The following GALNT16 variants were observed in gnomAD, a reference collection of about 807,000 sequenced individuals.
The protein encoded by GALNT16 is polypeptide N-acetylgalactosaminyltransferase 16.
In GALNT16, 40 loss-of-function variants were observed where a neutral mutation model predicts 76.1. The ratio of observed to expected loss-of-function variants is 0.53; its 90% confidence interval spans 0.41 to 0.68. The LOEUF (loss-of-function observed/expected upper bound fraction) is 0.68, where lower values mean the gene tolerates loss of function less well. GALNT16 is among the 30% of genes least tolerant of loss of function. The probability of loss-of-function intolerance (pLI) is 0.00; values close to 1 mark genes in which losing one functional copy is unlikely to be tolerated. For missense variants in GALNT16, 621 were observed against 731.9 expected (o/e 0.85, Z 1.75); for synonymous variants, 276 against 285.2 (o/e 0.97, Z 0.32).
the GALNT16 span, among the ~76,000 whole-genome samples, chr14:69,377,530 G>A: frequency 6.6e-6 from 1 of 151,884 alleles, no homozygotes; most frequent in Non-Finnish European, 1.5e-5. Context: ...CCTTAGGTTG[G>A]GTGCAGTGGT....
At chr14:69,273,038 T>G (rs925668063) in intron 1 of GALNT16, among the ~76,000 whole-genome samples, 1 of 152,238 alleles carries the variant, frequency 6.6e-6, no homozygotes, top group African/African-American at 2.4e-5. Context: ...TAGTTTACCT[T>G]GACTTCAGGA....
intron 11 of GALNT16, among the ~76,000 whole-genome samples, chr14:69,339,983 T>G (rs2045466276): frequency 6.6e-6 from 1 of 152,246 alleles, no homozygotes; most frequent in Non-Finnish European, 1.5e-5. Flanking sequence ...CCTATTTTCC[T>G]GTCATGGACT....
chr14:69,324,652 G>A (rs1456553348), intron 2 of GALNT16, 40 bp from the exon 3 acceptor site: 2 of 1,101,122 alleles, frequency 1.8e-6, no homozygotes, highest in African/African-American at 1.6e-5. Context: ...CCCTGAGGAT[G>A]CCCTCATGGC....
At chr14:69,282,622 G>C (rs182155751) in intron 1 of GALNT16, among the ~76,000 whole-genome samples, 171 of 151,652 alleles carry the variant, frequency 1.1e-3, no homozygotes, top group Non-Finnish European at 1.7e-3. Flanking sequence ...CCCCGTATCT[G>C]CTCTAAGTGC....
intron 6 of GALNT16, among the ~76,000 whole-genome samples, chr14:69,329,165 C>T (rs1015578484): frequency 1.7e-4 from 26 of 152,326 alleles, no homozygotes; most frequent in African/African-American, 3.8e-4. Flanking sequence ...CAAGACCAGC[C>T]TGGCCAACAT....
chr14:69,310,363 A>G (rs755160305), intron 1 of GALNT16, among the ~76,000 whole-genome samples: 14 of 151,856 alleles, frequency 9.2e-5, no homozygotes, highest in Non-Finnish European at 1.8e-4. Flanking sequence ...CCCCCAACAC[A>G]GCTGTTATTT....
At chr14:69,276,383 A>T (rs778760715) in intron 1 of GALNT16, among the ~76,000 whole-genome samples, 1 of 152,198 alleles carries the variant, frequency 6.6e-6, no homozygotes, top group Admixed American at 6.5e-5. Context: ...CAGTTTTTTT[A>T]TAAGAAAGAA....
At chr14:69,288,444 A>G (rs1470388998) in intron 1 of GALNT16, among the ~76,000 whole-genome samples, 2 of 152,170 alleles carry the variant, frequency 1.3e-5, no homozygotes, top group Non-Finnish European at 2.9e-5. Context: ...ATGCTGCCAA[A>G]CCTGACCCCC....
chr14:69,325,405 G>A lies in GALNT16; in HGVS notation c.502+1G>A. 4.5e-6 allele frequency: 7 copies of A among 1,564,828 alleles called. No individual in the cohort carries two copies. Among genetic ancestry groups the A allele is most frequent in the South Asian group, 1.1e-5 (1 of 90,108 alleles). ...TTAGTGGATGACTTCAGCTCAGATCGTGAGTAGTCACCTTCCTTTTTGCAG... is the reference window on the plus strand; with the variant it reads ...TTAGTGGATGACTTCAGCTCAGATCATGAGTAGTCACCTTCCTTTTTGCAG... On this transcript the variant is annotated splice_donor_variant, in intron 4 of 14. Transcript: ENST00000448469. LOFTEE classifies it high-confidence loss of function.
At chr14:69,322,926 GTGTGT>G (rs1450796518) in intron 2 of GALNT16, among the ~76,000 whole-genome samples, 712 of 27,676 alleles carry the variant, frequency 0.026, 26 homozygotes, top group East Asian at 0.11. Context: ...GGCTCACGGG[GTGTGT>G]GTGTGTGTGT....
chr14:69,329,806 C>T (rs2045330100), intron 6 of GALNT16, among the ~76,000 whole-genome samples: 1 of 152,146 alleles, frequency 6.6e-6, no homozygotes, highest in East Asian at 1.9e-4. Flanking sequence ...TCTAAACTAA[C>T]CAGATCTCAC....
intron 1 of GALNT16, among the ~76,000 whole-genome samples, chr14:69,306,767 A>G (rs1394826400): frequency 6.6e-6 from 1 of 152,210 alleles, no homozygotes; most frequent in Non-Finnish European, 1.5e-5. Flanking sequence ...TGCCATGTCT[A>G]GGGGAAGGTA....
At chr14:69,286,512 C>T (rs1430421919) in intron 1 of GALNT16, among the ~76,000 whole-genome samples, 2 of 152,236 alleles carry the variant, frequency 1.3e-5, no homozygotes, top group South Asian at 4.2e-4. Context: ...CCATGTTAAC[C>T]AGGCTGGTCT....
chr14:69,311,714 C>T (rs1015216125), intron 1 of GALNT16, among the ~76,000 whole-genome samples: 3 of 152,202 alleles, frequency 2.0e-5, no homozygotes, highest in African/African-American at 7.2e-5. Flanking sequence ...TTTTGGCTCT[C>T]TCTTCTGAAA....
At chr14:69,326,398 G>A (rs369774385) in intron 5 of GALNT16, among the ~76,000 whole-genome samples, 1 of 152,234 alleles carries the variant, frequency 6.6e-6, no homozygotes, top group South Asian at 2.1e-4. Flanking sequence ...GTGTTTTGGA[G>A]TAGCTACTAC....
chr14:69,365,043 AT>A, the GALNT16 span, among the ~76,000 whole-genome samples: 4 of 152,232 alleles, frequency 2.6e-5, no homozygotes, highest in African/African-American at 9.6e-5. Flanking sequence ...ACGATGTCTG[AT>A]TCCCAGAATT....
rs1359614763 is a variant in GALNT16, at chr14:69,354,360, C to A, written c.*2192C>A. On this transcript the variant is annotated 3_prime_UTR_variant, in exon 15 of 15. Transcript: ENST00000448469. ...TCCTTTGTGGCAACGCAGCCCTGTT[C>A]TGTTTTTGCTTTTCCTCTTCTTGAC... The A allele has an allele frequency of 6.5e-6, 1 of 152,812 alleles. No individual in the cohort carries two copies. Among genetic ancestry groups the A allele is most frequent in the African/African-American group, 2.4e-5 (1 of 41,468 alleles). The allele number at this position is 152,812 out of a possible 1,614,324, so 9.5% of individuals were successfully genotyped here.
chr14:69,334,787 G>A (rs1298450002), intron 9 of GALNT16, among the ~76,000 whole-genome samples: 2 of 152,180 alleles, frequency 1.3e-5, no homozygotes, highest in African/African-American at 4.8e-5. Flanking sequence ...GCCTGAGGAA[G>A]GGAACCCAGC....
At chr14:69,297,234 G>A (rs371336811) in intron 1 of GALNT16, among the ~76,000 whole-genome samples, 5 of 152,174 alleles carry the variant, frequency 3.3e-5, no homozygotes, top group African/African-American at 4.8e-5. Flanking sequence ...TTTGGCGGTC[G>A]TATCGATTGA....
Sources: allele counts gnomAD v4.1 joint callset (sites outside exome capture counted in the v4.1 genomes callset), GRCh38; gene constraint gnomAD v4.1.1; transcripts MANE v1.5; gene names NCBI Gene and HGNC (gene_info 2026-07-23, HGNC 2026-07-21).